The following TGIF1 variants were observed in gnomAD, a reference collection of about 807,000 sequenced individuals.
TGIF1 encodes homeobox protein TGIF1.
A neutral mutation model predicts 19.3 loss-of-function variants in TGIF1; 4 were observed. That is an observed-to-expected ratio of 0.21 (90% confidence interval 0.10 to 0.47). The LOEUF (loss-of-function observed/expected upper bound fraction) is 0.47, where lower values mean the gene tolerates loss of function less well. Ranked by LOEUF, TGIF1 falls within the 20% of genes least tolerant of loss-of-function variation. The probability of loss-of-function intolerance (pLI) is 0.98; values close to 1 mark genes in which losing one functional copy is unlikely to be tolerated. For missense variants in TGIF1, 275 were observed against 341.4 expected (o/e 0.81, Z 1.53); for synonymous variants, 122 against 129.3 (o/e 0.94, Z 0.38).
intron 2 of TGIF1, among the ~76,000 whole-genome samples, chr18:3,419,952 A>G (rs1002295146): frequency 4.0e-5 from 6 of 151,800 alleles, no homozygotes; most frequent in African/African-American, 1.4e-4. Context: ...GTTGCACTGA[A>G]CTGAGATCGT....
chr18:3,440,511 A>G (rs1177267184), intron 2 of TGIF1, among the ~76,000 whole-genome samples: 2 of 152,172 alleles, frequency 1.3e-5, no homozygotes, highest in African/African-American at 4.8e-5. Flanking sequence ...GAGTGTCATT[A>G]GGGGTTATTC....
chr18:3,451,045 T>A lies in TGIF1; in HGVS notation c.16+540T>A, dbSNP rs1263507563. On this transcript the variant is annotated intron_variant, in intron 1 of 2. Coordinates refer to ENST00000343820, the MANE Select transcript of TGIF1 (RefSeq NM_003244.4). This position sits in a 1 kb window ranked among gnomAD's most constrained non-coding sequence, Gnocchi z 5.4. ...CTTTAGGGATGTGGTGTTTTTACGA[T>A]CGAAGGAATGCGATTCTGGACCCCC... Among the ~76,000 whole-genome samples the A allele has an allele frequency of 6.8e-6, 1 of 146,452 alleles. No homozygotes were observed. Among genetic ancestry groups the A allele is most frequent in the Non-Finnish European group, 1.5e-5 (1 of 67,410 alleles).
chr18:3,443,482 C>T (rs769723071), intron 2 of TGIF1, among the ~76,000 whole-genome samples: 4 of 152,140 alleles, frequency 2.6e-5, no homozygotes, highest in South Asian at 2.1e-4. Context: ...ATATAGCTCA[C>T]TGCAGCCTTG....
intron 2 of TGIF1, among the ~76,000 whole-genome samples, chr18:3,443,544 G>C (rs1247983585): frequency 6.6e-6 from 1 of 151,960 alleles, no homozygotes; most frequent in African/African-American, 2.4e-5. Flanking sequence ...TGTATACCAC[G>C]AAGCCCAGCC....
At chr18:3,422,679 T>G (rs1365072009) in intron 2 of TGIF1, among the ~76,000 whole-genome samples, 2 of 106,880 alleles carry the variant, frequency 1.9e-5, no homozygotes, top group Non-Finnish European at 3.8e-5. Flanking sequence ...TGGCCTTTTT[T>G]TTTTTTTTTT....
Position 3,457,242 on chromosome 18 carries a change from TA to T in TGIF1, c.244-121del. ...CTTGAAATAACATTGTAAATTCAGA[TA>T]AGGCTTTTCATGCTTTCTTTAATTC... On this transcript the variant is annotated intron_variant, in intron 2 of 2. Coordinates refer to ENST00000343820, the MANE Select transcript of TGIF1 (RefSeq NM_003244.4). The surrounding 1 kb of genome is among the most constrained non-coding windows in gnomAD (Gnocchi z 4.9). 1 of 1,090,036 alleles carries T rather than the reference TA, an allele frequency of 9.2e-7. No individual in the cohort carries two copies. The highest frequency in any genetic ancestry group is 2.6e-5 in the East Asian group (1 of 38,866). The allele number at this position is 1,090,036 out of a possible 1,614,324, so 67.5% of individuals were successfully genotyped here. A position where few individuals can be genotyped will look rare whatever the true frequency, so the allele number is the denominator to read the frequency against.
Position 3,451,743 on chromosome 18 carries a change from C to T in TGIF1, c.16+1238C>T. 8.0e-7 allele frequency: 1 copy of T among 1,247,302 alleles called. No homozygotes were observed. Among genetic ancestry groups the T allele is most frequent in the Non-Finnish European group, 1.0e-6 (1 of 997,066 alleles). The allele number at this position is 1,247,302 out of a possible 1,614,324, so 77.3% of individuals were successfully genotyped here. On this transcript the variant is annotated intron_variant, in intron 1 of 2. Transcript: ENST00000343820. This position sits in a 1 kb window ranked among gnomAD's most constrained non-coding sequence, Gnocchi z 5.4. ...CTTTCCCAGCGAGAGTGAAATTAAA[C>T]TTGAAACTCGGATCAACTGGCAGTC...
upstream of TGIF1, chr18:3,449,607 T>TGCGCC (rs1393606991): frequency 2.4e-5 from 23 of 945,834 alleles, no homozygotes; most frequent in Middle Eastern, 5.8e-4. Context: ...AGGAGAAGGG[T>TGCGCC]GCGCCGCGCC....
chr18:3,439,074 A>G (rs1428479771), intron 2 of TGIF1, among the ~76,000 whole-genome samples: 1 of 152,184 alleles, frequency 6.6e-6, no homozygotes, highest in Non-Finnish European at 1.5e-5. Flanking sequence ...ATCATTCACT[A>G]TGAGAGCTTA....
chr18:3,421,216 T>C (rs1480465495), intron 2 of TGIF1, among the ~76,000 whole-genome samples: 1 of 123,838 alleles, frequency 8.1e-6, no homozygotes, highest in Non-Finnish European at 1.7e-5. Context: ...TACCTGTTTA[T>C]GAGTTTACTA....
chr18:3,435,963 C>T (rs540019233), intron 2 of TGIF1, among the ~76,000 whole-genome samples: 7 of 102,572 alleles, frequency 6.8e-5, no homozygotes, highest in South Asian at 3.7e-4. Context: ...TGGGCTCAAA[C>T]GATCTTCCTG....
chr18:3,422,689 T>TTTTG lies in TGIF1; in HGVS notation c.-45+4477_-45+4478insGTTT, dbSNP rs1568029594. Among the ~76,000 whole-genome samples, 5 of 136,454 alleles carry TTTTG rather than the reference T, an allele frequency of 3.7e-5. 1 individual carries two copies. Among genetic ancestry groups the TTTTG allele is most frequent in the African/African-American group, 1.3e-4 (5 of 37,218 alleles). 89.5% of individuals were successfully genotyped at this position (136,454 alleles called of 152,430 possible). A position where few individuals can be genotyped will look rare whatever the true frequency, so the allele number is the denominator to read the frequency against. ...ATAGGTGGCCTTTTTTTTTTTTTTT[T>TTTTG]TTTTTTTTTTTTTTTTTTTGAGACA... is the stretch of plus-strand genomic sequence containing the variant. On this transcript the variant is annotated intron_variant, in intron 2 of 3. Coordinates refer to the TGIF1 transcript ENST00000401449.
At chr18:3,448,599 T>G (rs2082795727), upstream of TGIF1, 1 of 985,354 alleles carries the variant, frequency 1.0e-6, no homozygotes, top group Non-Finnish European at 1.2e-6. Context: ...AATCGTAAGG[T>G]TGCTGCCTTC....
intron 2 of TGIF1, among the ~76,000 whole-genome samples, chr18:3,421,966 A>G (rs2082404138): frequency 3.3e-5 from 5 of 151,878 alleles, no homozygotes; most frequent in South Asian, 2.1e-4. Flanking sequence ...GGCTGAGGTG[A>G]GCAGATCACT....
At chr18:3,445,177 C>T (rs569994387), upstream of TGIF1, among the ~76,000 whole-genome samples, 2 of 152,254 alleles carry the variant, frequency 1.3e-5, no homozygotes, top group African/African-American at 4.8e-5. Context: ...AGGTGATCAG[C>T]GAAGACTCCT....
At chr18:3,432,529 A>C (rs2082562136) in intron 2 of TGIF1, among the ~76,000 whole-genome samples, 1 of 152,200 alleles carries the variant, frequency 6.6e-6, no homozygotes, top group Admixed American at 6.6e-5. Context: ...GTATAAGAGA[A>C]TGTCCTTGTT....
At chr18:3,454,948 A>G (rs2083118884) in intron 1 of TGIF1, among the ~76,000 whole-genome samples, 1 of 152,214 alleles carries the variant, frequency 6.6e-6, no homozygotes, top group African/African-American at 2.4e-5. Context: ...AATTCCTTTA[A>G]AAAACACGGT....
At chr18:3,425,457 G>A (rs1198231098) in intron 2 of TGIF1, among the ~76,000 whole-genome samples, 2 of 152,184 alleles carry the variant, frequency 1.3e-5, no homozygotes, top group Admixed American at 6.5e-5. Context: ...TATTCCGAAA[G>A]TCATAAGATT....
upstream of TGIF1, chr18:3,448,132 C>T (rs2082780982): frequency 1.0e-6 from 1 of 984,486 alleles, no homozygotes; most frequent in Non-Finnish European, 1.2e-6. Flanking sequence ...GCTTCGAAAG[C>T]GGCCGAGGCA....
Sources: allele counts gnomAD v4.1 joint callset (sites outside exome capture counted in the v4.1 genomes callset), GRCh38; gene constraint gnomAD v4.1.1; non-coding constraint Gnocchi (gnomAD v3.1); transcripts MANE v1.5; gene names NCBI Gene and HGNC (gene_info 2026-07-23, HGNC 2026-07-21).